Variants in OTOP3 observed in about 807,000 individuals in gnomAD.
The protein encoded by OTOP3 is proton channel OTOP3.
OTOP3 carries 41 observed loss-of-function variants against 50.8 expected under a neutral mutation model. The observed-to-expected ratio is 0.81, with a 90% CI of 0.63 to 1.05. The LOEUF (loss-of-function observed/expected upper bound fraction) is 1.05, where lower values mean the gene tolerates loss of function less well. OTOP3 is among the 50% of genes least tolerant of loss of function. OTOP3 has a pLI of 0.00. For synonymous variants in OTOP3, 320 were observed against 324.4 expected, an observed-to-expected ratio of 0.99 and a Z score of 0.14; for missense variants, 788 against 760.8, an observed-to-expected ratio of 1.04 and a Z score of -0.42.
rs777065442 is a variant in OTOP3 at position 74,949,246 on chromosome 17, C to G, written c.1567C>G (p.Leu523Val). 26 of 1,613,758 alleles carry G rather than the reference C, an allele frequency of 1.6e-5. No individual in the cohort carries two copies. The highest frequency in any genetic ancestry group is 1.9e-5 in the Non-Finnish European group (23 of 1,179,816). The stretch of plus-strand genomic sequence containing the variant: ...TAACTCAGCACATCCTCTTCCCCAG[C>G]TGTGGATGATGCCTGCATTTGGCAT... ...SLFLILCNIT[L>V]WMMPAFGIHP... The change falls in exon 7 of 7, where the codon CTG (leucine) becomes GTG (valine). Residue 523 changes from leucine (L) to valine (V), a missense_variant and splice_region_variant. Transcript: ENST00000328801.
At chr17:74,936,381 T>C (rs2144775283) in intron 1 of OTOP3, among the ~76,000 whole-genome samples, 1 of 152,208 alleles carries the variant, frequency 6.6e-6, no homozygotes, top group East Asian at 1.9e-4. Flanking sequence ...CCTGCGCTGC[T>C]GGGCCGGGCG....
chr17:74,935,955 C>A lies in OTOP3; in HGVS notation c.19+15C>A. 1.3e-6 allele frequency: 2 copies of A among 1,541,610 alleles called. No individual in the cohort carries two copies. ...CCCGGCCTCAGGTAAGCCCGGAGCG[C>A]CGGCGGAACTTTCCCAGCTTGCGCA... On this transcript the variant is annotated intron_variant, in intron 1 of 6. Transcript: ENST00000328801.
chr17:74,938,153 T>C (rs1299623866), intron 1 of OTOP3, among the ~76,000 whole-genome samples: 1 of 151,820 alleles, frequency 6.6e-6, no homozygotes, highest in African/African-American at 2.4e-5. Flanking sequence ...AAAAGAGGCT[T>C]AAGTTTTAGT....
chr17:74,942,114 C>T, intron 3 of OTOP3, 77 bp downstream of exon 3: 5 of 1,508,010 alleles, frequency 3.3e-6, no homozygotes, highest in Non-Finnish European at 4.5e-6. Context: ...CTCCCACTAC[C>T]TATGCCTAGG....
chr17:74,943,705 C>G lies in OTOP3; in HGVS notation c.732C>G (p.Ile244Met), dbSNP rs1278388685. Residue 244 changes from isoleucine to methionine, a missense_variant, in exon 5 of 7, where the codon ATC becomes ATG. Physicochemically the swap from Ile to Met is conservative, Grantham distance 10 (BLOSUM62 1). Coordinates refer to ENST00000328801, the MANE Select transcript of OTOP3 (RefSeq NM_001272005.2). The stretch of plus-strand genomic sequence containing the variant: ...GAGAGATCGAAGCTGAGCTTGGCAT[C>G]CTCATGGAAAAATCCACAGGTATGG... ...MHREIEAELG[I>M]LMEKSTGNET... 1.9e-6 allele frequency: 3 copies of G among 1,608,924 alleles called. No individual in the cohort carries two copies. The highest frequency in any genetic ancestry group is 2.5e-6 in the Non-Finnish European group (3 of 1,179,746).
At chr17:74,943,818 G>A (rs1400191030) in intron 5 of OTOP3, 94 bp downstream of exon 5, 1 of 1,088,458 alleles carries the variant, frequency 9.2e-7, no homozygotes, top group South Asian at 1.4e-5. Context: ...CTCTAAAACA[G>A]GTGAGGCTCA....
chr17:74,940,328 A>G (rs901108089), intron 1 of OTOP3, among the ~76,000 whole-genome samples: 2 of 152,000 alleles, frequency 1.3e-5, no homozygotes, highest in Non-Finnish European at 2.9e-5. Flanking sequence ...TTAATTACAT[A>G]AGTACTGTGC....
intron 1 of OTOP3, among the ~76,000 whole-genome samples, chr17:74,940,425 T>C (rs796547627): frequency 8.5e-5 from 13 of 152,256 alleles, no homozygotes; most frequent in African/African-American, 2.6e-4. Flanking sequence ...GAAACTCCTA[T>C]TGTGAAACTG....
At chr17:74,940,219 C>A (rs893665620) in intron 1 of OTOP3, among the ~76,000 whole-genome samples, 2 of 142,042 alleles carry the variant, frequency 1.4e-5, no homozygotes, top group African/African-American at 5.3e-5. Context: ...GTTAGCCAGG[C>A]TGGTCTTGAA....
rs1379703969 is a variant in OTOP3, at chr17:74,947,418, C to T, written c.1509C>T (p.Asn503=). The T allele has an allele frequency of 1.9e-6, 3 of 1,612,388 alleles. No individual in the cohort carries two copies. Among genetic ancestry groups the T allele is most frequent in the East Asian group, 4.5e-5 (2 of 44,868 alleles). The change falls in exon 6 of 7, where the codon AAC becomes AAT. Residue 503 remains asparagine, a synonymous_variant. Coordinates refer to ENST00000328801, the MANE Select transcript of OTOP3 (RefSeq NM_001272005.2). The part of the protein sequence containing the change: ...LAYIHSYSHL[N]WKRRALKEIS... ...ACATCCACTCCTACAGCCACCTCAACTGGAAGCGGAGGGCACTCAAGGAGA... is the reference window on the plus strand; with the variant it reads ...ACATCCACTCCTACAGCCACCTCAATTGGAAGCGGAGGGCACTCAAGGAGA...
Position 74,941,660 on chromosome 17 carries a change from T to C in OTOP3, c.287T>C (p.Val96Ala). 6.2e-7 allele frequency: 1 copy of C among 1,614,122 alleles called. No individual in the cohort carries two copies. Among genetic ancestry groups the C allele is most frequent in the Non-Finnish European group, 8.5e-7 (1 of 1,180,006 alleles). ...AFICSMIFNK[V>A]AVTLGDVWIL... ...ATCTGCAGCATGATCTTCAACAAGG[T>C]GGCCGTCACTCTGGGTGACGTGTGG... is the stretch of plus-strand genomic sequence containing the variant. The change falls in exon 2 of 7, where the codon GTG (valine) becomes GCG (alanine). Residue 96 changes from valine to alanine, a missense_variant. By Grantham distance (64) the Val-to-Ala change is moderately conservative (BLOSUM62 0). Transcript: ENST00000328801.
Position 74,946,721 on chromosome 17 carries a change from G to T in OTOP3, c.812G>T (p.Gly271Val). ...ACCGCGTGTGAAGCTTTCCGGAGAGGCTTCCTGATGCTCTACCCCTTCAGC... is the reference window on the plus strand; with the variant it reads ...ACCGCGTGTGAAGCTTTCCGGAGAGTCTTCCTGATGCTCTACCCCTTCAGC... ...NATACEAFRRGFLMLYPFSTE... is the reference protein window; with the variant it reads ...NATACEAFRRVFLMLYPFSTE... Residue 271 changes from glycine to valine, a missense_variant, in exon 6 of 7, where the codon GGC (glycine) becomes GTC (valine). By Grantham distance (109) the Gly-to-Val change is moderately radical. Coordinates refer to ENST00000328801, the MANE Select transcript of OTOP3 (RefSeq NM_001272005.2). The T allele has an allele frequency of 1.2e-6, 2 of 1,613,122 alleles. No individual in the cohort carries two copies. Among genetic ancestry groups the T allele is most frequent in the Non-Finnish European group, 1.7e-6 (2 of 1,179,946 alleles).
intron 6 of OTOP3, among the ~76,000 whole-genome samples, chr17:74,948,552 C>T (rs1263125312): frequency 6.6e-6 from 1 of 152,012 alleles, no homozygotes; most frequent in Non-Finnish European, 1.5e-5. Flanking sequence ...TCCAGCTACT[C>T]GGGAGGCTGA....
chr17:74,947,436 C>T lies in OTOP3; in HGVS notation c.1527C>T (p.Leu509=), dbSNP rs779631851. The part of the protein sequence containing the change: ...YSHLNWKRRA[L]KEISLFLILC... ...ACCTCAACTGGAAGCGGAGGGCACTCAAGGAGATCTCACTCTTCCTCATCC... is the reference window on the plus strand; with the variant it reads ...ACCTCAACTGGAAGCGGAGGGCACTTAAGGAGATCTCACTCTTCCTCATCC... The change falls in exon 6 of 7, where the codon CTC becomes CTT. Residue 509 remains leucine, a synonymous_variant. Coordinates refer to ENST00000328801, the MANE Select transcript of OTOP3 (RefSeq NM_001272005.2). The T allele has an allele frequency of 7.5e-6, 12 of 1,610,650 alleles. No homozygotes were observed. The highest frequency in any genetic ancestry group is 3.3e-4 in the Middle Eastern group (2 of 6,074).
intron 5 of OTOP3, 96 bp from the exon 6 acceptor site, chr17:74,946,565 A>G: frequency 9.1e-7 from 1 of 1,099,494 alleles, no homozygotes. Context: ...TTTCAGCTCT[A>G]GTGTATTCCA....
At position 74,935,950 on chromosome 17, in the gene OTOP3, G is replaced by A; in HGVS notation, c.19+10G>A. Reference sequence around the variant, plus strand: ...CCTCTCCCGGCCTCAGGTAAGCCCGGAGCGCCGGCGGAACTTTCCCAGCTT... The same window carrying A: ...CCTCTCCCGGCCTCAGGTAAGCCCGAAGCGCCGGCGGAACTTTCCCAGCTT... On this transcript the variant is annotated intron_variant, in intron 1 of 6. Coordinates refer to ENST00000328801, the MANE Select transcript of OTOP3 (RefSeq NM_001272005.2). The A allele has an allele frequency of 1.3e-6, 2 of 1,542,054 alleles. No individual in the cohort carries two copies. Among genetic ancestry groups the A allele is most frequent in the Non-Finnish European group, 1.7e-6 (2 of 1,146,692 alleles).
Position 74,946,934 on chromosome 17 carries a change from TCGA to T in OTOP3, c.1026_1028del (p.Ile342_Glu343delinsMet). The T allele has an allele frequency of 6.2e-7, 1 of 1,612,868 alleles. No homozygotes were observed. Among genetic ancestry groups the T allele is most frequent in the Non-Finnish European group, 8.5e-7 (1 of 1,179,934 alleles). ...GTGTGCGTCTTTGTGCTCTTCCAAATCGAGGCCAGTGGCCCTGCCATTGCTTGC... is the reference window on the plus strand; with the variant it reads ...GTGTGCGTCTTTGTGCTCTTCCAAATGGCCAGTGGCCCTGCCATTGCTTGC... On this transcript the variant is annotated inframe_deletion, in exon 6 of 7. Coordinates refer to ENST00000328801, the MANE Select transcript of OTOP3 (RefSeq NM_001272005.2).
chr17:74,943,647 G>C lies in OTOP3; in HGVS notation c.674G>C (p.Trp225Ser). 1 of 1,613,614 alleles carries C rather than the reference G, an allele frequency of 6.2e-7. No individual in the cohort carries two copies. The part of the protein sequence containing the change: ...MLTLATNLLL[W>S]VLAVTNDSMH... ...ACCCTGGCCACAAACCTGCTGCTGTGGGTTCTGGCCGTTACCAATGACTCC... is the reference window on the plus strand; with the variant it reads ...ACCCTGGCCACAAACCTGCTGCTGTCGGTTCTGGCCGTTACCAATGACTCC... The change falls in exon 5 of 7, where the codon TGG becomes TCG. Residue 225 changes from tryptophan to serine, a missense_variant. Trp to Ser is a radical substitution (Grantham distance 177, BLOSUM62 -3). Coordinates refer to ENST00000328801, the MANE Select transcript of OTOP3 (RefSeq NM_001272005.2).
At chr17:74,946,414 G>C (rs1254597379) in intron 5 of OTOP3, among the ~76,000 whole-genome samples, 1 of 152,150 alleles carries the variant, frequency 6.6e-6, no homozygotes, top group East Asian at 1.9e-4. Flanking sequence ...CGCCTGGCTG[G>C]CATCATGTTT....
Sources: allele counts gnomAD v4.1 joint callset (sites outside exome capture counted in the v4.1 genomes callset), GRCh38; gene constraint gnomAD v4.1.1; transcripts MANE v1.5; gene names NCBI Gene and HGNC (gene_info 2026-07-23, HGNC 2026-07-21).